Variants in HTR4 observed in about 807,000 individuals in gnomAD.
HTR4 encodes 5-hydroxytryptamine receptor 4.
In HTR4, 16 loss-of-function variants were observed where a neutral mutation model predicts 36.8. That is an observed-to-expected ratio of 0.43 (90% CI 0.29 to 0.66). The LOEUF (loss-of-function observed/expected upper bound fraction) is 0.66. HTR4 is among the 30% of genes least tolerant of loss of function. HTR4 has a pLI of 0.13. For missense variants in HTR4, 438 were observed against 490.9 expected (o/e 0.89, Z 1.02); for synonymous variants, 189 against 185.1 (o/e 1.02, Z -0.17).
chr5:148,653,637 C>A (rs1754103642), intron 1 of HTR4, among the ~76,000 whole-genome samples: 2 of 151,936 alleles, frequency 1.3e-5, no homozygotes, highest in Non-Finnish European at 2.9e-5. Context: ...ACACAGCACA[C>A]TCTGGGCTGC....
chr5:148,535,047 G>A (rs1758747996), intron 4 of HTR4, among the ~76,000 whole-genome samples: 1 of 152,104 alleles, frequency 6.6e-6, no homozygotes, highest in Admixed American at 6.5e-5. Flanking sequence ...ACACAACTGA[G>A]CAAGAGTCTA....
At chr5:148,569,786 T>A (rs1450748017) in intron 2 of HTR4, among the ~76,000 whole-genome samples, 1 of 151,968 alleles carries the variant, frequency 6.6e-6, no homozygotes, top group Admixed American at 6.6e-5. Flanking sequence ...TATACACATA[T>A]TTAATATAAG....
intron 2 of HTR4, among the ~76,000 whole-genome samples, chr5:148,602,490 G>A (rs1762034008): frequency 1.3e-5 from 2 of 152,106 alleles, no homozygotes; most frequent in African/African-American, 4.8e-5. Context: ...AAGGCTTAGT[G>A]GGAAATTTAT....
intron 2 of HTR4, among the ~76,000 whole-genome samples, chr5:148,635,624 C>T (rs187210025): frequency 2.6e-5 from 4 of 152,258 alleles, no homozygotes; most frequent in African/African-American, 7.2e-5. Context: ...CCCAAAAGTA[C>T]ATTTTAACCA....
intron 6 of HTR4, among the ~76,000 whole-genome samples, chr5:148,497,043 T>C (rs1351593870): frequency 4.6e-5 from 7 of 152,214 alleles, no homozygotes; most frequent in Non-Finnish European, 4.4e-5. Flanking sequence ...CCTCTTCTAC[T>C]ATCCACAATG....
At chr5:148,597,442 G>A (rs1454113379) in intron 2 of HTR4, among the ~76,000 whole-genome samples, 1 of 152,042 alleles carries the variant, frequency 6.6e-6, no homozygotes, top group African/African-American at 2.4e-5. Flanking sequence ...CATCACTCTT[G>A]GGATTAAGAA....
chr5:148,650,587 T>C (rs1862341), intron 1 of HTR4, among the ~76,000 whole-genome samples: 29,520 of 151,684 alleles, frequency 0.19, 3,448 homozygotes, highest in East Asian at 0.4. Flanking sequence ...AAAAAAATGG[T>C]GACTTTAATT....
chr5:148,637,095 G>A, intron 1 of HTR4, 34 bp from the exon 2 acceptor site: 1 of 1,397,078 alleles, frequency 7.2e-7, no homozygotes. Flanking sequence ...TGTTATAAAA[G>A]AAAGCAGCAT....
chr5:148,549,238 T>C (rs1449022239), intron 3 of HTR4, among the ~76,000 whole-genome samples: 1 of 152,134 alleles, frequency 6.6e-6, no homozygotes, highest in South Asian at 2.1e-4. Context: ...GCCTGGTTAA[T>C]CCCACCCACC....
intron 2 of HTR4, among the ~76,000 whole-genome samples, chr5:148,572,435 C>T (rs1561626851): frequency 6.6e-6 from 1 of 151,984 alleles, no homozygotes; most frequent in Non-Finnish European, 1.5e-5. Context: ...CTATGATAGA[C>T]AAATGTAATA....
chr5:148,509,367 A>T, intron 6 of HTR4, 89 bp downstream of exon 6: 2 of 962,366 alleles, frequency 2.1e-6, no homozygotes, highest in Non-Finnish European at 1.5e-6. Flanking sequence ...GGTTTCAGGG[A>T]TAACCCCTTT....
At chr5:148,510,980 G>C (rs1757470799) in intron 5 of HTR4, among the ~76,000 whole-genome samples, 1 of 152,148 alleles carries the variant, frequency 6.6e-6, no homozygotes, top group African/African-American at 2.4e-5. Flanking sequence ...TTAGAACCTA[G>C]ACAACACTCA....
intron 2 of HTR4, among the ~76,000 whole-genome samples, chr5:148,622,178 T>G (rs1421697438): frequency 6.6e-6 from 1 of 152,182 alleles, no homozygotes; most frequent in Admixed American, 6.5e-5. Context: ...TTGAGAAACT[T>G]CTGTAAGTAA....
At chr5:148,492,224 A>G (rs1243032010) in intron 6 of HTR4, among the ~76,000 whole-genome samples, 1 of 152,200 alleles carries the variant, frequency 6.6e-6, no homozygotes, top group African/African-American at 2.4e-5. Context: ...GGGAAAACAA[A>G]CACACACGGA....
chr5:148,585,032 CT>C (rs1371590384), intron 2 of HTR4, among the ~76,000 whole-genome samples: 4 of 152,168 alleles, frequency 2.6e-5, no homozygotes, highest in African/African-American at 9.7e-5. Context: ...CCTAAAAGCA[CT>C]GCCTGGGAGT....
intron 1 of HTR4, among the ~76,000 whole-genome samples, chr5:148,650,501 C>T (rs1862342): frequency 0.52 from 78,948 of 151,852 alleles, 21,618 homozygotes; most frequent in African/African-American, 0.7. Flanking sequence ...GTCTCAATAG[C>T]ATAAAAAAGT....
intron 2 of HTR4, among the ~76,000 whole-genome samples, chr5:148,561,602 C>T (rs563534309): frequency 2.4e-4 from 37 of 151,936 alleles, no homozygotes; most frequent in Non-Finnish European, 3.8e-4. Flanking sequence ...CACAGTCTAG[C>T]GTCTCTGGTT....
In HTR4 at chr5:148,482,978, T is replaced by C. The variant is rs200935858; in HGVS notation, c.*225A>G. 5 of 1,405,206 alleles carry C rather than the reference T, an allele frequency of 3.6e-6. No individual in the cohort carries two copies. Among genetic ancestry groups the C allele is most frequent in the East Asian group, 2.6e-5 (1 of 37,868 alleles). The allele number at this position is 1,405,206 out of a possible 1,614,324, so 87.0% of individuals were successfully genotyped here. A position where few individuals can be genotyped will look rare whatever the true frequency, so the allele number is the denominator to read the frequency against. ...GCAGAGAATCTGGGAAGAGGGAGTG[T>C]TGGGAAATAAAAAGTGAACAAGGAG... On this transcript the variant is annotated 3_prime_UTR_variant, in exon 7 of 7. Transcript: ENST00000377888.
chr5:148,617,197 A>G (rs2127289500), intron 2 of HTR4, among the ~76,000 whole-genome samples: 1 of 152,260 alleles, frequency 6.6e-6, no homozygotes, highest in Middle Eastern at 3.4e-3. Context: ...ATTTCTCACG[A>G]GATCTGGTTG....
Sources: gnomAD v4.1 joint callset for allele counts (sites outside exome capture counted in the v4.1 genomes callset) on GRCh38, gnomAD v4.1.1 for gene constraint, MANE v1.5 for transcripts, NCBI Gene and HGNC (gene_info 2026-07-23, HGNC 2026-07-21) for gene names.